TSHZ2: variants seen among roughly 807,000 people sequenced by gnomAD.
TSHZ2 encodes the protein teashirt homolog 2.
Under a neutral mutation model 74.4 loss-of-function variants are expected in TSHZ2, and 21 were observed. The ratio of observed to expected loss-of-function variants is 0.28; its 90% CI spans 0.20 to 0.41. TSHZ2 has a LOEUF of 0.41. TSHZ2 is among the 10% of genes least tolerant of loss of function. The pLI, the probability that TSHZ2 is intolerant of heterozygous loss-of-function variation, is 1.00. For synonymous variants in TSHZ2, 540 were observed against 515.3 expected (o/e 1.05, Z -0.65); for missense variants, 1,244 against 1,293.5 (o/e 0.96, Z 0.59).
At chr20:53,181,572 G>A (rs1988469147) in intron 1 of TSHZ2, among the ~76,000 whole-genome samples, 1 of 152,178 alleles carries the variant, frequency 6.6e-6, no homozygotes, top group African/African-American at 2.4e-5. Flanking sequence ...GAGGAGTAGG[G>A]GGTCGTTGCT....
At chr20:53,441,809 T>C (rs1157384811) in intron 2 of TSHZ2, among the ~76,000 whole-genome samples, 2 of 151,874 alleles carry the variant, frequency 1.3e-5, no homozygotes, top group Non-Finnish European at 2.9e-5. Flanking sequence ...CTTGAACTCC[T>C]GACCTCAAAT....
intron 1 of TSHZ2, among the ~76,000 whole-genome samples, chr20:53,193,529 T>G (rs759246035): frequency 8.5e-5 from 13 of 152,188 alleles, no homozygotes; most frequent in Non-Finnish European, 1.5e-4. Flanking sequence ...ATAATGTAAT[T>G]GATGACTGGA....
At chr20:53,171,591 G>A (rs547670368) in intron 1 of TSHZ2, among the ~76,000 whole-genome samples, 1 of 151,714 alleles carries the variant, frequency 6.6e-6, no homozygotes, top group East Asian at 1.9e-4. Flanking sequence ...AAAACAGGGT[G>A]TTTAATACCC....
intron 1 of TSHZ2, among the ~76,000 whole-genome samples, chr20:53,161,144 A>AAAAAAAAAAAAAAAAC (rs1987927098): frequency 6.6e-6 from 1 of 150,958 alleles, no homozygotes; most frequent in African/African-American, 2.4e-5. Flanking sequence ...AAAAAAAAAA[A>AAAAAAAAAAAAAAAAC]AAAAAAAAAT....
intron 1 of TSHZ2, among the ~76,000 whole-genome samples, chr20:53,218,328 C>G (rs1030171043): frequency 6.6e-6 from 1 of 152,198 alleles, no homozygotes; most frequent in South Asian, 2.1e-4. Context: ...CATTGAGATG[C>G]ATTAAGCAAG....
At chr20:53,222,475 GGC>G (rs1335945440) in intron 1 of TSHZ2, among the ~76,000 whole-genome samples, 2 of 152,220 alleles carry the variant, frequency 1.3e-5, no homozygotes, top group Non-Finnish European at 2.9e-5. Flanking sequence ...TCCTGAAGAA[GGC>G]GTGCCACTCT....
In TSHZ2 at chr20:53,489,311, G is replaced by A. The variant is rs747113036; in HGVS notation, c.*2176G>A. 1.8e-4 allele frequency: 72 copies of A among 400,846 alleles called. No individual in the cohort carries two copies. The highest frequency in any genetic ancestry group is 3.2e-4 in the Non-Finnish European group (65 of 201,158). 24.8% of individuals were successfully genotyped at this position (400,846 alleles called of 1,614,324 possible). On this transcript the variant is annotated 3_prime_UTR_variant, in exon 3 of 3. Transcript: ENST00000371497. ...ATTCAACCAGAAATGAATGGAGCTC[G>A]ACTGGAAAGGAACAGTCTTCAGATG...
At chr20:53,039,923 C>T (rs1021314218) in intron 1 of TSHZ2, among the ~76,000 whole-genome samples, 1 of 152,030 alleles carries the variant, frequency 6.6e-6, no homozygotes, top group African/African-American at 2.4e-5. Context: ...CTGGCTAACA[C>T]AGTGAAACCC....
chr20:52,999,720 T>C (rs1459018214), intron 1 of TSHZ2, among the ~76,000 whole-genome samples: 3 of 152,150 alleles, frequency 2.0e-5, no homozygotes, highest in Non-Finnish European at 4.4e-5. Flanking sequence ...AAAAAAGTCA[T>C]GTGCTCAGCT....
intron 2 of TSHZ2, among the ~76,000 whole-genome samples, chr20:53,382,503 T>G (rs773034638): frequency 6.6e-6 from 1 of 152,072 alleles, no homozygotes; most frequent in Non-Finnish European, 1.5e-5. Flanking sequence ...TATCCCACCA[T>G]ATGAGCCAAT....
At chr20:53,297,272 A>T (rs1188446327) in intron 2 of TSHZ2, among the ~76,000 whole-genome samples, 2 of 121,836 alleles carry the variant, frequency 1.6e-5, no homozygotes, top group African/African-American at 6.4e-5. Flanking sequence ...TTTTTTTGAG[A>T]CCAGTTCCGG....
chr20:52,982,187 A>G (rs963180982), intron 1 of TSHZ2, among the ~76,000 whole-genome samples: 1 of 152,202 alleles, frequency 6.6e-6, no homozygotes, highest in Admixed American at 6.5e-5. Context: ...TGTTTTACTG[A>G]TGAGAATCTG....
intron 2 of TSHZ2, among the ~76,000 whole-genome samples, chr20:53,322,932 T>C (rs1979329179): frequency 6.6e-6 from 1 of 152,054 alleles, no homozygotes; most frequent in Admixed American, 6.5e-5. Flanking sequence ...GGGCTGTGAG[T>C]GAATAAGCTC....
intron 2 of TSHZ2, among the ~76,000 whole-genome samples, chr20:53,460,284 C>CT (rs1985301450): frequency 2.6e-5 from 4 of 151,978 alleles, no homozygotes; most frequent in African/African-American, 9.7e-5. Flanking sequence ...CTAAACTTCC[C>CT]TTCTCGCTTC....
chr20:53,389,761 T>C (rs1982181584), intron 2 of TSHZ2, among the ~76,000 whole-genome samples: 1 of 152,204 alleles, frequency 6.6e-6, no homozygotes, highest in Non-Finnish European at 1.5e-5. Context: ...GACATGTTGG[T>C]TGTCACAGTT....
At chr20:53,137,648 T>C (rs1987281018) in intron 1 of TSHZ2, among the ~76,000 whole-genome samples, 1 of 152,162 alleles carries the variant, frequency 6.6e-6, no homozygotes, top group Non-Finnish European at 1.5e-5. Context: ...TGCTGCTTCA[T>C]CCAGGACTTT....
intron 2 of TSHZ2, among the ~76,000 whole-genome samples, chr20:53,432,381 G>A (rs1016194210): frequency 2.0e-5 from 3 of 152,202 alleles, no homozygotes; most frequent in Admixed American, 6.5e-5. Context: ...CAGTTGATGG[G>A]CACTTAGGTT....
In TSHZ2 at chr20:53,333,411, T is replaced by C. The variant is rs554386797; in HGVS notation, c.*8+76840T>C. Among the ~76,000 whole-genome samples the C allele has an allele frequency of 6.6e-5, 10 of 151,462 alleles. No homozygotes were observed. The South Asian group carries it at 2.1e-3, about 32-fold the overall frequency. On this transcript the variant is annotated intron_variant, in intron 2 of 2. Coordinates refer to ENST00000371497, the MANE Select transcript of TSHZ2 (RefSeq NM_173485.6). ...AGGAGATGTCCTGGTTGAATGGGAG[T>C]TGGGAGGCCCAGAGCACTCCTCCAG... is the stretch of plus-strand genomic sequence containing the variant.
At position 53,229,980 on chromosome 20, in the gene TSHZ2, AAAG is replaced by A. The variant is rs376523088; in HGVS notation, c.41-23516_41-23514del. On this transcript the variant is annotated intron_variant, in intron 1 of 2. Transcript: ENST00000371497. ...AGAGAAAGAAGAAGGAAGAGAAAGAAAAGAAAGAGGAAGGAAGACAGAAAGAGA... is the reference window on the plus strand; with the variant it reads ...AGAGAAAGAAGAAGGAAGAGAAAGAAAAAGAGGAAGGAAGACAGAAAGAGA... 8.7e-5 allele frequency among the ~76,000 whole-genome samples: 13 copies of A among 150,048 alleles called. 1 individual carries two copies. Among genetic ancestry groups the A allele is most frequent in the African/African-American group, 3.2e-4 (13 of 40,958 alleles).
Sources: gnomAD v4.1 joint callset for allele counts (sites outside exome capture counted in the v4.1 genomes callset) on GRCh38, gnomAD v4.1.1 for gene constraint, MANE v1.5 for transcripts, NCBI Gene and HGNC (gene_info 2026-07-23, HGNC 2026-07-21) for gene names.